The following WDR3 variants were observed in gnomAD, a reference collection of about 807,000 sequenced individuals.
WDR3 encodes the protein WD repeat domain 3, also known as WD repeat-containing protein 3.
WDR3 carries 81 observed loss-of-function variants against 123.7 expected under a neutral mutation model. The ratio of observed to expected loss-of-function variants is 0.65; its 90% CI spans 0.55 to 0.79. The LOEUF (loss-of-function observed/expected upper bound fraction) is 0.79. WDR3 is among the 30% of genes least tolerant of loss of function. The probability of loss-of-function intolerance (pLI) is 0.00; values close to 1 mark genes in which losing one functional copy is unlikely to be tolerated. For missense variants in WDR3, 1,027 were observed against 1,123.2 expected, an observed-to-expected ratio of 0.91 and a Z score of 1.22; for synonymous variants, 390 against 388.8, an observed-to-expected ratio of 1.00 and a Z score of -0.04.
chr1:117,949,720 G>A (rs1319767428), intron 13 of WDR3, 31 bp from the exon 14 acceptor site: 1 of 1,607,994 alleles, frequency 6.2e-7, no homozygotes, highest in East Asian at 2.2e-5. Flanking sequence ...TGCTAAAATA[G>A]TTTTTAATTG....
chr1:117,933,381 G>C lies in WDR3; in HGVS notation c.62G>C (p.Ser21Thr), dbSNP rs374993298. ...VASAVFGVIGSQKGNIVFVTL... is the reference protein window; with the variant it reads ...VASAVFGVIGTQKGNIVFVTL... ...AGTGCGGTCTTTGGCGTTATCGGCA[G>C]CCAAAAAGGTAATATTGTCTTTGTG... Residue 21 changes from serine to threonine, a missense_variant, in exon 2 of 27, where the codon AGC becomes ACC. Physicochemically the swap from Ser to Thr is moderately conservative, Grantham distance 58 (BLOSUM62 1). Coordinates refer to ENST00000349139, the MANE Select transcript of WDR3 (RefSeq NM_006784.3). The C allele has an allele frequency of 8.8e-5, 142 of 1,614,172 alleles. 2 individuals are homozygous for C. Among genetic ancestry groups the C allele is most frequent in the South Asian group, 3.8e-4 (35 of 91,084 alleles).
At position 117,957,071 on chromosome 1, in the gene WDR3, G is replaced by C. The variant is rs967537298; in HGVS notation, c.2457G>C (p.Glu819Asp). 1.3e-6 allele frequency: 2 copies of C among 1,569,676 alleles called. No homozygotes were observed. The highest frequency in any genetic ancestry group is 2.8e-5 in the African/African-American group (2 of 72,224). The stretch of plus-strand genomic sequence containing the variant: ...ATATTTATTTTTTCTTTTTCAGTGA[G>C]CTGGAAGAATCTCTACTTGTGCTGC... ...LEIFKGIKSS[E>D]LEESLLVLPF... Residue 819 changes from glutamate to aspartate, a missense_variant, in exon 25 of 27, where the codon GAG (glutamate) becomes GAC (aspartate). Physicochemically the swap from Glu to Asp is conservative, Grantham distance 45. Coordinates refer to ENST00000349139, the MANE Select transcript of WDR3 (RefSeq NM_006784.3).
intron 12 of WDR3, among the ~76,000 whole-genome samples, 169 bp downstream of exon 12, chr1:117,946,348 T>A (rs1345298232): frequency 6.6e-6 from 1 of 152,184 alleles, no homozygotes; most frequent in Non-Finnish European, 1.5e-5. Context: ...CTTTATTTTT[T>A]AAAAATTATG....
At chr1:117,947,161 T>C (rs1256100035) in intron 12 of WDR3, among the ~76,000 whole-genome samples, 8 of 152,040 alleles carry the variant, frequency 5.3e-5, no homozygotes, top group Admixed American at 5.2e-4. Context: ...TTCACAGAGA[T>C]GAAGTATACA....
At chr1:117,930,046 C>A in intron 1 of WDR3, 1 of 152,576 alleles carries the variant, frequency 6.6e-6, no homozygotes. Flanking sequence ...ATGATATGAC[C>A]GTGTGTTCGG....
rs372064977 is a variant in WDR3, at chr1:117,934,692, T to C, written c.381+10T>C. The C allele has an allele frequency of 8.7e-6, 14 of 1,612,472 alleles. No individual in the cohort carries two copies. Among genetic ancestry groups the C allele is most frequent in the East Asian group, 6.7e-5 (3 of 44,882 alleles). The stretch of plus-strand genomic sequence containing the variant: ...GGCATCTGGGTCCAAGGTGAGCCTT[T>C]GAATCAGCCCAGGCTTTGATCTATT... On this transcript the variant is annotated intron_variant, in intron 3 of 26. Coordinates refer to ENST00000349139, the MANE Select transcript of WDR3 (RefSeq NM_006784.3).
At position 117,940,751 on chromosome 1, in the gene WDR3, A is replaced by ACAACAAC. The variant is rs112688594; in HGVS notation, c.676-76_676-75insCAACAAC. 4.2e-4 allele frequency: 549 copies of ACAACAAC among 1,311,492 alleles called. No homozygotes were observed. In the African/African-American group the frequency reaches 6.0e-3, roughly 14 times the overall value. 81.2% of individuals were successfully genotyped at this position (1,311,492 alleles called of 1,614,324 possible). ...TCCGACAACAACAACAACAACAACA[A>ACAACAAC]AACAACAACAACAACAACAACATGC... On this transcript the variant is annotated intron_variant, in intron 6 of 26. Coordinates refer to ENST00000349139, the MANE Select transcript of WDR3 (RefSeq NM_006784.3).
At position 117,961,979 on chromosome 1, in the gene WDR3, A is replaced by T. The variant is rs1315438617; in HGVS notation, c.*2532A>T. ...CCTTCTTAGAGTTGCTCATCAGAAC[A>T]TAAATGTCACTTTCTAGTAACATTT... On this transcript the variant is annotated 3_prime_UTR_variant, in exon 27 of 27. Coordinates refer to ENST00000349139, the MANE Select transcript of WDR3 (RefSeq NM_006784.3). The T allele has an allele frequency of 6.6e-6, 1 of 151,986 alleles. No homozygotes were observed. Among genetic ancestry groups the T allele is most frequent in the East Asian group, 1.9e-4 (1 of 5,194 alleles). 9.4% of individuals were successfully genotyped at this position (151,986 alleles called of 1,614,324 possible).
chr1:117,957,573 G>A (rs552621012), intron 25 of WDR3, among the ~76,000 whole-genome samples: 19 of 152,340 alleles, frequency 1.2e-4, no homozygotes, highest in African/African-American at 4.3e-4. Flanking sequence ...CTCATTTGTT[G>A]TTTCTTTTAA....
Position 117,939,545 on chromosome 1 carries a change from G to T in WDR3, c.648G>T (p.Arg216Ser). ...CTGGGGCCTCAGACAGTGAACTGAG[G>T]GTATGGGACATAGCTTATCTGCAAG... Reference protein sequence around the residue: ...LITGASDSELRVWDIAYLQEI... With the variant: ...LITGASDSELSVWDIAYLQEI... Residue 216 changes from arginine to serine, a missense_variant, in exon 6 of 27, where the codon AGG (arginine) becomes AGT (serine). Arg to Ser is a moderately radical substitution (Grantham distance 110). Transcript: ENST00000349139. 3 of 1,613,614 alleles carry T rather than the reference G, an allele frequency of 1.9e-6. No individual in the cohort carries two copies. Among genetic ancestry groups the T allele is most frequent in the Non-Finnish European group, 2.5e-6 (3 of 1,179,672 alleles).
chr1:117,951,647 C>G (rs1448802106), intron 16 of WDR3, among the ~76,000 whole-genome samples: 1 of 151,848 alleles, frequency 6.6e-6, no homozygotes, highest in Non-Finnish European at 1.5e-5. Context: ...GTTTCTTTCT[C>G]CCACTTTCTT....
chr1:117,941,461 G>A (rs1235816592), intron 8 of WDR3, among the ~76,000 whole-genome samples: 2 of 152,028 alleles, frequency 1.3e-5, no homozygotes, highest in Non-Finnish European at 2.9e-5. Context: ...AGTAATAATT[G>A]CAATTACTTT....
At chr1:117,946,726 G>A (rs1651397660) in intron 12 of WDR3, among the ~76,000 whole-genome samples, 1 of 152,032 alleles carries the variant, frequency 6.6e-6, no homozygotes, top group African/African-American at 2.4e-5. Flanking sequence ...CGGATCACAA[G>A]GTCAGGAGAT....
intron 19 of WDR3, 54 bp downstream of exon 19, chr1:117,952,716 C>T: frequency 1.3e-6 from 2 of 1,589,900 alleles, no homozygotes; most frequent in Non-Finnish European, 1.7e-6. Context: ...GACAGGCTGT[C>T]CTAGTTGAAG....
In WDR3 at chr1:117,964,115, C is replaced by A; in HGVS notation, c.*4668C>A. The A allele has an allele frequency of 1.7e-6, 1 of 592,526 alleles. No individual in the cohort carries two copies. The highest frequency in any genetic ancestry group is 2.9e-6 in the Non-Finnish European group (1 of 345,310). 36.7% of individuals were successfully genotyped at this position (592,526 alleles called of 1,614,324 possible). A position where few individuals can be genotyped will look rare whatever the true frequency, so the allele number is the denominator to read the frequency against. On this transcript the variant is annotated 3_prime_UTR_variant, in exon 27 of 27. Transcript: ENST00000349139. ...GCTTGGGGGTTAGAGGATGGATATGCCAATGTCTAGAATGTCTTCTGTTCT... is the reference window on the plus strand; with the variant it reads ...GCTTGGGGGTTAGAGGATGGATATGACAATGTCTAGAATGTCTTCTGTTCT...
In WDR3 at chr1:117,960,590, G is replaced by C. The variant is rs1652941815; in HGVS notation, c.*1143G>C. The stretch of plus-strand genomic sequence containing the variant: ...AGCACTGTGATATGCAGTTTACTGG[G>C]GCGATGAGTTGTTCATGCACAGGTG... On this transcript the variant is annotated 3_prime_UTR_variant, in exon 27 of 27. Transcript: ENST00000349139. 1 of 152,118 alleles carries C rather than the reference G, an allele frequency of 6.6e-6. No individual in the cohort carries two copies. The highest frequency in any genetic ancestry group is 6.5e-5 in the Admixed American group (1 of 15,276). The allele number at this position is 152,118 out of a possible 1,614,324, so 9.4% of individuals were successfully genotyped here. A position where few individuals can be genotyped will look rare whatever the true frequency, so the allele number is the denominator to read the frequency against.
At chr1:117,955,047 A>T (rs1184482657) in intron 23 of WDR3, 9 of 408,734 alleles carry the variant, frequency 2.2e-5, no homozygotes, top group Non-Finnish European at 3.9e-5. Flanking sequence ...ATTTTATTGC[A>T]TGTCTCATCA....
rs1241497685 is a variant in WDR3, at chr1:117,943,494, C to A, written c.1196C>A (p.Pro399His). 1 of 1,613,956 alleles carries A rather than the reference C, an allele frequency of 6.2e-7. No individual in the cohort carries two copies. Among genetic ancestry groups the A allele is most frequent in the African/African-American group, 1.3e-5 (1 of 74,898 alleles). The change falls in exon 11 of 27, where the codon CCT (proline) becomes CAT (histidine). Residue 399 changes from proline (P) to histidine (H), a missense_variant. By Grantham distance (77) the Pro-to-His change is moderately conservative. Coordinates refer to ENST00000349139, the MANE Select transcript of WDR3 (RefSeq NM_006784.3). ...VELYSLNPSL[P>H]TPQPVRTSRI... ...TTGTATTCACTGAATCCATCCTTGC[C>A]TACTCCTCAGCCTGTCAGGACAAGC... is the stretch of plus-strand genomic sequence containing the variant.
intron 7 of WDR3, 59 bp downstream of exon 7, chr1:117,940,999 C>T (rs1484434297): frequency 6.3e-7 from 1 of 1,575,868 alleles, no homozygotes; most frequent in South Asian, 1.2e-5. Flanking sequence ...GTAAGAATTG[C>T]AGATTTTTAG....
Sources: allele counts gnomAD v4.1 joint callset (sites outside exome capture counted in the v4.1 genomes callset), GRCh38; gene constraint gnomAD v4.1.1; transcripts MANE v1.5; gene names NCBI Gene and HGNC (gene_info 2026-07-23, HGNC 2026-07-21).